RAMP1: variants seen among roughly 807,000 people sequenced by gnomAD.
RAMP1 encodes receptor activity-modifying protein 1.
RAMP1 carries 7 observed loss-of-function variants against 8.2 expected under a neutral mutation model. The observed-to-expected ratio is 0.85, with a 90% CI of 0.49 to 1.60. RAMP1 has a LOEUF of 1.60. Ranked by LOEUF, RAMP1 falls within the 40% of genes most tolerant of loss-of-function variation. The pLI is 0.00. For missense variants in RAMP1, 192 were observed against 202.4 expected (o/e 0.95, Z 0.31); for synonymous variants, 92 against 84.7 (o/e 1.09, Z -0.47).
At chr2:237,879,797 C>G (rs1482036777) in intron 2 of RAMP1, among the ~76,000 whole-genome samples, 1 of 149,708 alleles carries the variant, frequency 6.7e-6, no homozygotes, top group Non-Finnish European at 1.5e-5. Context: ...CCAGACCAGC[C>G]TAGCCAACAT....
At chr2:237,909,598 G>A (rs372388518) in intron 2 of RAMP1, among the ~76,000 whole-genome samples, 4 of 152,278 alleles carry the variant, frequency 2.6e-5, no homozygotes, top group South Asian at 2.1e-4. Context: ...AGGAGCCGGC[G>A]TGGTCTGGGC....
intron 1 of RAMP1, among the ~76,000 whole-genome samples, chr2:237,873,858 C>A (rs889694907): frequency 2.0e-5 from 3 of 152,086 alleles, no homozygotes; most frequent in Non-Finnish European, 2.9e-5. Context: ...TTCGCCTGTA[C>A]CTAAAAAATG....
chr2:237,876,605 A>C (rs900171522), intron 1 of RAMP1, among the ~76,000 whole-genome samples: 9 of 152,138 alleles, frequency 5.9e-5, no homozygotes, highest in African/African-American at 2.2e-4. Flanking sequence ...GAGGAAGAAG[A>C]AGCCTGGTGG....
chr2:237,890,270 T>C (rs964580093), intron 2 of RAMP1, among the ~76,000 whole-genome samples: 2 of 152,016 alleles, frequency 1.3e-5, no homozygotes, highest in East Asian at 3.9e-4. Context: ...GGTGTGATCT[T>C]GGCTCACTGC....
chr2:237,900,199 G>A (rs910794792), intron 2 of RAMP1, among the ~76,000 whole-genome samples: 5 of 151,788 alleles, frequency 3.3e-5, no homozygotes, highest in South Asian at 2.1e-4. Context: ...TGGCTCTGTC[G>A]CCCAGGCTGG....
chr2:237,886,258 G>A (rs1415308570), intron 2 of RAMP1, among the ~76,000 whole-genome samples: 3 of 152,184 alleles, frequency 2.0e-5, no homozygotes, highest in Non-Finnish European at 2.9e-5. Flanking sequence ...CTTGGCGCGC[G>A]TGACCGTGGT....
At chr2:237,892,276 C>CTTT (rs201847138) in intron 2 of RAMP1, among the ~76,000 whole-genome samples, 13 of 134,370 alleles carry the variant, frequency 9.7e-5, no homozygotes, top group South Asian at 2.3e-4. Context: ...TTCTTTCTTT[C>CTTT]TTTTTTTTTT....
rs550798276 is a variant in RAMP1, at chr2:237,860,760, G to A, written c.52+1033G>A. On this transcript the variant is annotated intron_variant, in intron 1 of 2. Coordinates refer to ENST00000254661, the MANE Select transcript of RAMP1 (RefSeq NM_005855.4). ...CAAGACCTCTTTGGCGCTGGCACTGGGCAAGCAGGGACCACCGGCGCTGTT... is the reference window on the plus strand; with the variant it reads ...CAAGACCTCTTTGGCGCTGGCACTGAGCAAGCAGGGACCACCGGCGCTGTT... 2.0e-4 allele frequency among the ~76,000 whole-genome samples: 31 copies of A among 152,220 alleles called. No individual in the cohort carries two copies. The South Asian group carries it at 4.8e-3, about 23-fold the overall frequency.
intron 1 of RAMP1, 79 bp downstream of exon 1, chr2:237,859,806 G>T: frequency 9.9e-7 from 1 of 1,010,988 alleles, no homozygotes. Context: ...AGGGGAGCGG[G>T]TGGGAGCGGG....
At chr2:237,870,610 T>TA (rs964377428) in intron 1 of RAMP1, among the ~76,000 whole-genome samples, 22 of 152,200 alleles carry the variant, frequency 1.4e-4, no homozygotes, top group African/African-American at 5.1e-4. Context: ...TTTTATGACT[T>TA]AAAAAAATGA....
Position 237,859,700 on chromosome 2 carries a change from C to T in RAMP1, c.25C>T (p.Pro9Ser), listed in dbSNP as rs1207955479. 1.5e-5 allele frequency: 22 copies of T among 1,512,878 alleles called. No individual in the cohort carries two copies. The highest frequency in any genetic ancestry group is 1.1e-4 in the Admixed American group (5 of 47,180). The allele number at this position is 1,512,878 out of a possible 1,614,324, so 93.7% of individuals were successfully genotyped here. A position where few individuals can be genotyped will look rare whatever the true frequency, so the allele number is the denominator to read the frequency against. The stretch of plus-strand genomic sequence containing the variant: ...CATGGCCCGGGCCCTGTGCCGCCTC[C>T]CGCGGCGCGGCCTCTGGCTGCTCCT... MARALCRL[P>S]RRGLWLLLAH... Residue 9 changes from proline to serine, a missense_variant, in exon 1 of 3, where the codon CCG (proline) becomes TCG (serine). Coordinates refer to ENST00000254661, the MANE Select transcript of RAMP1 (RefSeq NM_005855.4).
At chr2:237,900,060 G>A (rs896331684) in intron 2 of RAMP1, among the ~76,000 whole-genome samples, 2 of 152,164 alleles carry the variant, frequency 1.3e-5, no homozygotes, top group African/African-American at 2.4e-5. Context: ...TAACCAAAAA[G>A]TATCCCAATT....
At chr2:237,867,194 C>T (rs2062196183) in intron 1 of RAMP1, among the ~76,000 whole-genome samples, 1 of 152,014 alleles carries the variant, frequency 6.6e-6, no homozygotes, top group African/African-American at 2.4e-5. Flanking sequence ...AAGATCACAC[C>T]ACTGCAATCC....
intron 1 of RAMP1, chr2:237,874,704 G>A (rs775346088): frequency 5.5e-5 from 54 of 983,988 alleles, no homozygotes; most frequent in African/African-American, 2.3e-4. Flanking sequence ...TGAGAAATCC[G>A]GGTATGGCCA....
At chr2:237,890,527 ACTTATTT>A (rs749716386) in intron 2 of RAMP1, among the ~76,000 whole-genome samples, 4 of 152,222 alleles carry the variant, frequency 2.6e-5, no homozygotes, top group Non-Finnish European at 5.9e-5. Flanking sequence ...TGTGAGAATT[ACTTATTT>A]CTTAGAAGTT....
intron 2 of RAMP1, among the ~76,000 whole-genome samples, chr2:237,906,823 A>G (rs10754943): frequency 0.51 from 76,597 of 150,282 alleles, 19,915 homozygotes; most frequent in East Asian, 0.68. Flanking sequence ...CCCAGGTTCA[A>G]GTAATTCTCC....
intron 1 of RAMP1, among the ~76,000 whole-genome samples, chr2:237,875,383 C>T (rs575619507): frequency 2.0e-5 from 3 of 151,898 alleles, no homozygotes; most frequent in African/African-American, 4.9e-5. Flanking sequence ...GAGGTGTCCC[C>T]GGGGTGCCCG....
chr2:237,859,819 G>A, intron 1 of RAMP1, 92 bp downstream of exon 1: 2 of 1,169,410 alleles, frequency 1.7e-6, no homozygotes. Context: ...GGAGCGGGTG[G>A]GAGCGGGTGG....
chr2:237,890,574 C>T (rs1432986246), intron 2 of RAMP1, among the ~76,000 whole-genome samples: 1 of 152,210 alleles, frequency 6.6e-6, no homozygotes, highest in Non-Finnish European at 1.5e-5. Context: ...CACCATCAAA[C>T]CTCAGTAATT....
Sources: gnomAD v4.1 joint callset for allele counts (sites outside exome capture counted in the v4.1 genomes callset) on GRCh38, gnomAD v4.1.1 for gene constraint, MANE v1.5 for transcripts, NCBI Gene and HGNC (gene_info 2026-07-23, HGNC 2026-07-21) for gene names.